RTKN2: variants seen among roughly 807,000 people sequenced by gnomAD.
RTKN2 encodes rhotekin 2.
In RTKN2, 69 loss-of-function variants were observed where a neutral mutation model predicts 71.5. The observed-to-expected ratio is 0.96, with a 90% confidence interval of 0.79 to 1.18. The LOEUF (loss-of-function observed/expected upper bound fraction) is 1.18, where lower values mean the gene tolerates loss of function less well. Among genes scored for constraint, RTKN2 ranks in the 50% most tolerant of loss-of-function variants. RTKN2 has a pLI of 0.00. For missense variants in RTKN2, 724 were observed against 719.7 expected (o/e 1.01, Z -0.07); for synonymous variants, 236 against 236.5 (o/e 1.00, Z 0.02).
chr10:62,211,121 A>G (rs926392976), intron 9 of RTKN2, among the ~76,000 whole-genome samples: 15 of 152,310 alleles, frequency 9.8e-5, no homozygotes, highest in African/African-American at 3.6e-4. Flanking sequence ...TAACCGTCAC[A>G]CCCCTCACCA....
chr10:62,190,447 T>A (rs1026586461), downstream of RTKN2, among the ~76,000 whole-genome samples: 1 of 152,060 alleles, frequency 6.6e-6, no homozygotes, highest in Non-Finnish European at 1.5e-5. Context: ...GGTTAAAACA[T>A]AAAACAGATA....
rs1841373043 is a variant in RTKN2, at chr10:62,198,320, A to C, written c.1418T>G (p.Leu473Arg). Residue 473 changes from leucine to arginine, a missense_variant, in exon 12 of 12, where the codon CTC becomes CGC. Physicochemically the swap from Leu to Arg is moderately radical, Grantham distance 102 (BLOSUM62 -2). Coordinates refer to ENST00000373789, the MANE Select transcript of RTKN2 (RefSeq NM_145307.4). ...EESLPPPWAT[L>R]FDGNHQMVIQ... Reference sequence around the variant, plus strand: ...GACCATTTGATGGTTACCATCAAAGAGTGTGGCCCAAGGAGGTGGTAAGGA... The same window carrying C: ...GACCATTTGATGGTTACCATCAAAGCGTGTGGCCCAAGGAGGTGGTAAGGA... 1 of 1,613,432 alleles carries C rather than the reference A, an allele frequency of 6.2e-7. No homozygotes were observed. Among genetic ancestry groups the C allele is most frequent in the Admixed American group, 1.7e-5 (1 of 59,982 alleles).
chr10:62,241,856 G>A (rs980441453), intron 3 of RTKN2, among the ~76,000 whole-genome samples: 3 of 152,108 alleles, frequency 2.0e-5, no homozygotes, highest in South Asian at 2.1e-4. Flanking sequence ...GTGCCACCAC[G>A]CCTGGCTAAT....
chr10:62,244,212 T>C (rs1842435083), intron 3 of RTKN2, among the ~76,000 whole-genome samples: 1 of 152,208 alleles, frequency 6.6e-6, no homozygotes, highest in Admixed American at 6.5e-5. Flanking sequence ...ATTCATTTTT[T>C]ATTTTGTTTT....
intron 2 of RTKN2, among the ~76,000 whole-genome samples, chr10:62,256,694 G>C (rs1842681981): frequency 6.8e-6 from 1 of 146,208 alleles, no homozygotes; most frequent in African/African-American, 2.7e-5. Flanking sequence ...TTGTGTATGC[G>C]TGTGTGTGTC....
intron 9 of RTKN2, among the ~76,000 whole-genome samples, chr10:62,216,388 G>A (rs909267645): frequency 6.6e-6 from 1 of 152,012 alleles, no homozygotes; most frequent in East Asian, 1.9e-4. Flanking sequence ...AATTATTTTA[G>A]AGTAGGAATG....
rs1842918677 is a variant in RTKN2 at position 62,268,795 on chromosome 10, G to C, written c.-185C>G. On this transcript the variant is annotated 5_prime_UTR_variant, in exon 1 of 12. Coordinates refer to ENST00000373789, the MANE Select transcript of RTKN2 (RefSeq NM_145307.4). ...CAGTGGGCGCGCCTTGCGCTCTGCA[G>C]CTCCCGCCGCCGGAAGTTGCCGAGA... 2.0e-5 allele frequency: 12 copies of C among 587,014 alleles called. No individual in the cohort carries two copies. The highest frequency in any genetic ancestry group is 3.2e-5 in the Non-Finnish European group (11 of 345,146). The allele number at this position is 587,014 out of a possible 1,614,324, so 36.4% of individuals were successfully genotyped here. A position where few individuals can be genotyped will look rare whatever the true frequency, so the allele number is the denominator to read the frequency against.
intron 9 of RTKN2, among the ~76,000 whole-genome samples, chr10:62,214,803 A>G (rs1350327156): frequency 6.6e-6 from 1 of 152,096 alleles, no homozygotes; most frequent in East Asian, 1.9e-4. Context: ...GAGAGGAAAA[A>G]GTCTAATTTT....
At chr10:62,229,640 T>A (rs1842106825) in intron 6 of RTKN2, among the ~76,000 whole-genome samples, 1 of 152,194 alleles carries the variant, frequency 6.6e-6, no homozygotes, top group Non-Finnish European at 1.5e-5. Context: ...TGTTAAACAC[T>A]ATTAGTGTGC....
chr10:62,217,499 A>G (rs1221355800), intron 8 of RTKN2, among the ~76,000 whole-genome samples: 1 of 152,228 alleles, frequency 6.6e-6, no homozygotes, highest in Non-Finnish European at 1.5e-5. Flanking sequence ...CCTAACTTTT[A>G]CACACATAAA....
In RTKN2 at chr10:62,268,834, C is replaced by A. The variant is rs1273663134; in HGVS notation, c.-224G>T. The A allele has an allele frequency of 1.4e-5, 7 of 512,250 alleles. No individual in the cohort carries two copies. The highest frequency in any genetic ancestry group is 2.4e-5 in the Non-Finnish European group (7 of 294,592). The allele number at this position is 512,250 out of a possible 1,614,324, so 31.7% of individuals were successfully genotyped here. A position where few individuals can be genotyped will look rare whatever the true frequency, so the allele number is the denominator to read the frequency against. On this transcript the variant is annotated 5_prime_UTR_variant, in exon 1 of 12. Transcript: ENST00000373789. ...AAGTTGCCGAGACCCCAGGCTCTAG[C>A]GCGGCGGGGCGGGGGAGAGGGCGGC...
chr10:62,195,332 G>A lies in RTKN2; in HGVS notation c.*2576C>T. On this transcript the variant is annotated 3_prime_UTR_variant, in exon 12 of 12. Coordinates refer to ENST00000373789, the MANE Select transcript of RTKN2 (RefSeq NM_145307.4). ...GGAATGTGAAAGCTCATAAAAAGCT[G>A]AAGCAGCTTTCATATTACATGGCAT... 2 of 985,198 alleles carry A rather than the reference G, an allele frequency of 2.0e-6. No homozygotes were observed. Among genetic ancestry groups the A allele is most frequent in the Non-Finnish European group, 2.4e-6 (2 of 829,746 alleles). 61.0% of individuals were successfully genotyped at this position (985,198 alleles called of 1,614,324 possible).
chr10:62,260,927 T>C (rs1252390128), intron 2 of RTKN2, among the ~76,000 whole-genome samples: 1 of 152,078 alleles, frequency 6.6e-6, no homozygotes, highest in East Asian at 1.9e-4. Context: ...AATATCCTAA[T>C]AAAAAGGCTG....
chr10:62,253,705 T>C (rs1457020090), intron 2 of RTKN2, among the ~76,000 whole-genome samples: 1 of 152,022 alleles, frequency 6.6e-6, no homozygotes, highest in Non-Finnish European at 1.5e-5. Flanking sequence ...GCTGGAGAAA[T>C]CTTCCCACAG....
intron 9 of RTKN2, among the ~76,000 whole-genome samples, chr10:62,208,522 C>T (rs1346349298): frequency 1.3e-5 from 2 of 152,060 alleles, no homozygotes; most frequent in Non-Finnish European, 2.9e-5. Context: ...ACTAGAATAG[C>T]AATGGCAATG....
intron 2 of RTKN2, among the ~76,000 whole-genome samples, chr10:62,249,298 T>C (rs1487920103): frequency 2.6e-5 from 4 of 151,826 alleles, no homozygotes; most frequent in Non-Finnish European, 5.9e-5. Context: ...ATGACACTGA[T>C]TAGTATTGTT....
chr10:62,195,129 C>A lies in RTKN2; in HGVS notation c.*2779G>T, dbSNP rs1841296848. On this transcript the variant is annotated 3_prime_UTR_variant, in exon 12 of 12. Coordinates refer to ENST00000373789, the MANE Select transcript of RTKN2 (RefSeq NM_145307.4). The stretch of plus-strand genomic sequence containing the variant: ...TTAATGCTGACTACGTAATTTATAT[C>A]CCAGAGCTTGAAATGTAAAGGTAAT... 2 of 979,526 alleles carry A rather than the reference C, an allele frequency of 2.0e-6. No individual in the cohort carries two copies. Among genetic ancestry groups the A allele is most frequent in the Admixed American group, 6.2e-5 (1 of 16,234 alleles). 60.7% of individuals were successfully genotyped at this position (979,526 alleles called of 1,614,324 possible).
intron 3 of RTKN2, among the ~76,000 whole-genome samples, chr10:62,241,407 C>A (rs904493926): frequency 3.3e-5 from 5 of 152,098 alleles, no homozygotes; most frequent in Non-Finnish European, 5.9e-5. Flanking sequence ...ATATATTCTT[C>A]TTATAAAAAT....
Position 62,201,160 on chromosome 10 carries a change from C to T in RTKN2, c.1187-1299G>A, listed in dbSNP as rs564113171. ...TACCAATAGAAAAGTAAATGTAATACACTTATGTTGTATATCCGTATTTCA... is the reference window on the plus strand; with the variant it reads ...TACCAATAGAAAAGTAAATGTAATATACTTATGTTGTATATCCGTATTTCA... On this transcript the variant is annotated intron_variant, in intron 10 of 11. Transcript: ENST00000373789. Among the ~76,000 whole-genome samples, 6 of 152,140 alleles carry T rather than the reference C, an allele frequency of 3.9e-5. No individual in the cohort carries two copies. The South Asian group carries it at 1.0e-3, about 26-fold the overall frequency.
Sources: gnomAD v4.1 joint callset for allele counts (sites outside exome capture counted in the v4.1 genomes callset) on GRCh38, gnomAD v4.1.1 for gene constraint, MANE v1.5 for transcripts, NCBI Gene and HGNC (gene_info 2026-07-23, HGNC 2026-07-21) for gene names.